CADM2: variants seen among roughly 807,000 people sequenced by gnomAD.
CADM2 encodes cell adhesion molecule 2.
Under a neutral mutation model 49.8 loss-of-function variants are expected in CADM2, and 12 were observed. The observed-to-expected ratio is 0.24, with a 90% CI of 0.15 to 0.39. The LOEUF is 0.39. Ranked by LOEUF, CADM2 falls within the 10% of genes least tolerant of loss-of-function variation. The pLI is 1.00. For missense variants in CADM2, 378 were observed against 492.3 expected (o/e 0.77, Z 2.20); for synonymous variants, 214 against 175.4 (o/e 1.22, Z -1.74).
intron 8 of CADM2, among the ~76,000 whole-genome samples, chr3:86,036,105 A>T (rs1407808816): frequency 6.6e-6 from 1 of 152,138 alleles, no homozygotes; most frequent in African/African-American, 2.4e-5. Context: ...TTAGGGATTC[A>T]ATATATGAAT....
Position 85,067,468 on chromosome 3 carries a change from C to G in CADM2, c.61+107800C>G, listed in dbSNP as rs1402780699. On this transcript the variant is annotated intron_variant, in intron 1 of 9. Coordinates refer to ENST00000383699, the MANE Select transcript of CADM2 (RefSeq NM_001167675.2). The stretch of plus-strand genomic sequence containing the variant: ...GGTTATGAAATACATTCATAATTCT[C>G]TGCTTTTATGAACAACATGTTAAGA... 4.6e-5 allele frequency among the ~76,000 whole-genome samples: 7 copies of G among 152,060 alleles called. No individual in the cohort carries two copies. The East Asian group carries it at 1.3e-3, about 29-fold the overall frequency.
intron 1 of CADM2, among the ~76,000 whole-genome samples, chr3:85,000,769 G>T (rs2033424522): frequency 1.3e-5 from 2 of 151,860 alleles, no homozygotes; most frequent in Non-Finnish European, 2.9e-5. Flanking sequence ...TCGTGTGCAT[G>T]TGTATATGTG....
chr3:85,778,778 C>T (rs1314074355), intron 2 of CADM2, among the ~76,000 whole-genome samples: 1 of 152,048 alleles, frequency 6.6e-6, no homozygotes, highest in East Asian at 1.9e-4. Context: ...AACTTGTCAC[C>T]CTCTCACTTA....
chr3:85,542,497 C>T (rs551949540), intron 1 of CADM2, among the ~76,000 whole-genome samples: 7 of 152,236 alleles, frequency 4.6e-5, no homozygotes, highest in Admixed American at 3.9e-4. Context: ...ATTTACCAGG[C>T]TTTTAATGAA....
At position 86,069,449 on chromosome 3, in the gene CADM2, G is replaced by GA. The variant is rs903392147; in HGVS notation, c.*2670dup. On this transcript the variant is annotated 3_prime_UTR_variant, in exon 10 of 10. Transcript: ENST00000383699. ...ATGAGACACCATGTTCTGAACTGGA[G>GA]AAAACAATATCAATGAAGTCATATT... 36 of 152,038 alleles carry GA rather than the reference G, an allele frequency of 2.4e-4. No homozygotes were observed. The highest frequency in any genetic ancestry group is 1.7e-3 in the Admixed American group (26 of 15,252). The allele number at this position is 152,038 out of a possible 1,614,324, so 9.4% of individuals were successfully genotyped here.
chr3:85,529,493 GT>G (rs2061246265), intron 1 of CADM2, among the ~76,000 whole-genome samples: 1 of 152,084 alleles, frequency 6.6e-6, no homozygotes, highest in Non-Finnish European at 1.5e-5. Flanking sequence ...TGCTCTTTTA[GT>G]ATACTCACTA....
intron 1 of CADM2, among the ~76,000 whole-genome samples, chr3:85,332,147 G>C (rs904041788): frequency 1.3e-4 from 20 of 151,896 alleles, no homozygotes; most frequent in Non-Finnish European, 2.9e-4. Context: ...GGCTGAGAAG[G>C]GATCAAAGTC....
At chr3:85,458,330 A>T (rs1040880302) in intron 1 of CADM2, among the ~76,000 whole-genome samples, 2 of 152,178 alleles carry the variant, frequency 1.3e-5, no homozygotes, top group Non-Finnish European at 2.9e-5. Context: ...ATTTTATGTT[A>T]TCCCACTCCT....
chr3:85,137,286 A>C (rs190450739), intron 1 of CADM2, among the ~76,000 whole-genome samples: 1 of 152,124 alleles, frequency 6.6e-6, no homozygotes, highest in Non-Finnish European at 1.5e-5. Context: ...TTTATTTTAT[A>C]AGACTTTGTG....
At chr3:85,135,209 A>G (rs1457424762) in intron 1 of CADM2, among the ~76,000 whole-genome samples, 1 of 152,054 alleles carries the variant, frequency 6.6e-6, no homozygotes, top group Non-Finnish European at 1.5e-5. Flanking sequence ...TACAAAGCAA[A>G]AAATAGTCAT....
chr3:85,937,697 A>G (rs1054859548), intron 7 of CADM2, among the ~76,000 whole-genome samples: 1 of 151,940 alleles, frequency 6.6e-6, no homozygotes, highest in African/African-American at 2.4e-5. Context: ...GTCTCATGAT[A>G]TGTTTCACTG....
chr3:85,342,684 T>A (rs2030019556), intron 1 of CADM2, among the ~76,000 whole-genome samples: 1 of 152,078 alleles, frequency 6.6e-6, no homozygotes. Flanking sequence ...TTAAACTTAG[T>A]TTTTTCTCTT....
intron 3 of CADM2, among the ~76,000 whole-genome samples, chr3:85,876,772 T>C (rs1711907338): frequency 1.3e-5 from 2 of 152,138 alleles, no homozygotes; most frequent in South Asian, 2.1e-4. Context: ...GAATAAATCA[T>C]GCTACATAAA....
intron 1 of CADM2, among the ~76,000 whole-genome samples, chr3:85,251,549 C>T (rs2042775078): frequency 6.6e-6 from 1 of 151,792 alleles, no homozygotes; most frequent in South Asian, 2.1e-4. Flanking sequence ...ATAACCATAA[C>T]AAAATTAATT....
intron 8 of CADM2, among the ~76,000 whole-genome samples, chr3:85,980,964 A>G (rs1727406072): frequency 6.6e-6 from 1 of 151,530 alleles, no homozygotes; most frequent in African/African-American, 2.4e-5. Context: ...GCCAGGACCT[A>G]AAATTATGAC....
chr3:85,889,814 A>C (rs1714177976), intron 5 of CADM2, among the ~76,000 whole-genome samples: 1 of 152,118 alleles, frequency 6.6e-6, no homozygotes, highest in African/African-American at 2.4e-5. Context: ...TATTCCACCC[A>C]AGCTTTCACA....
intron 1 of CADM2, among the ~76,000 whole-genome samples, chr3:85,701,922 G>A (rs1227044033): frequency 6.7e-6 from 1 of 149,410 alleles, no homozygotes; most frequent in East Asian, 2.0e-4. Context: ...TAAAGAAAAA[G>A]GAAGAAAGAA....
At chr3:86,013,148 A>G in intron 8 of CADM2, 1 of 1,348,630 alleles carries the variant, frequency 7.4e-7, no homozygotes, top group Non-Finnish European at 1.1e-6. Flanking sequence ...GACACAGAAA[A>G]CGAATAAAAG....
intron 1 of CADM2, among the ~76,000 whole-genome samples, chr3:85,096,962 A>G (rs2037821565): frequency 2.6e-5 from 4 of 152,108 alleles, no homozygotes; most frequent in Non-Finnish European, 1.5e-5. Flanking sequence ...AAATGCTAGT[A>G]GTGTGCCAGT....
Sources: gnomAD v4.1 joint callset for allele counts (sites outside exome capture counted in the v4.1 genomes callset) on GRCh38, gnomAD v4.1.1 for gene constraint, MANE v1.5 for transcripts, NCBI Gene and HGNC (gene_info 2026-07-23, HGNC 2026-07-21) for gene names.